The following PARD3 variants were observed in gnomAD, a reference collection of about 807,000 sequenced individuals.
PARD3 encodes par-3 family cell polarity regulator, also known as partitioning defective 3 homolog.
In PARD3, 75 loss-of-function variants were observed where a neutral mutation model predicts 155.4. The ratio of observed to expected loss-of-function variants is 0.48; its 90% CI spans 0.40 to 0.58. The LOEUF (loss-of-function observed/expected upper bound fraction) is 0.58. PARD3 is among the 20% of genes least tolerant of loss of function. PARD3 has a pLI of 0.00. For missense variants in PARD3, 1,642 were observed against 1,721.7 expected (o/e 0.95, Z 0.82); for synonymous variants, 576 against 610.5 (o/e 0.94, Z 0.83).
intron 2 of PARD3, among the ~76,000 whole-genome samples, chr10:34,582,895 C>T (rs953665186): frequency 6.6e-6 from 1 of 152,172 alleles, no homozygotes; most frequent in African/African-American, 2.4e-5. Context: ...TTTCTGCTGC[C>T]TGGAATATCA....
At chr10:34,393,923 C>T (rs1475797300) in intron 7 of PARD3, among the ~76,000 whole-genome samples, 4 of 151,180 alleles carry the variant, frequency 2.6e-5, no homozygotes, top group African/African-American at 7.3e-5. Flanking sequence ...CTGCAACCTC[C>T]ACCTCCTGGG....
chr10:34,803,839 C>G (rs1421714171), intron 1 of PARD3, among the ~76,000 whole-genome samples: 1 of 151,998 alleles, frequency 6.6e-6, no homozygotes, highest in Non-Finnish European at 1.5e-5. Flanking sequence ...TAACAATAAT[C>G]AAGTTCAGGA....
intron 1 of PARD3, among the ~76,000 whole-genome samples, chr10:34,747,676 T>TG (rs1383372416): frequency 1.3e-5 from 2 of 152,210 alleles, no homozygotes; most frequent in African/African-American, 4.8e-5. Flanking sequence ...ATGCCCACCA[T>TG]GCCAGGTTCC....
chr10:34,758,773 C>G (rs527861251), intron 1 of PARD3, among the ~76,000 whole-genome samples: 107 of 152,270 alleles, frequency 7.0e-4, no homozygotes, highest in Non-Finnish European at 1.3e-3. Flanking sequence ...TAGAAAAGTC[C>G]AAGCCCACCC....
At chr10:34,127,879 A>C (rs1263102881) in intron 23 of PARD3, among the ~76,000 whole-genome samples, 1 of 152,230 alleles carries the variant, frequency 6.6e-6, no homozygotes, top group African/African-American at 2.4e-5. Context: ...GTTTCAAGAA[A>C]TGTAGTAGGA....
intron 22 of PARD3, among the ~76,000 whole-genome samples, chr10:34,132,780 C>T (rs1481051428): frequency 1.3e-5 from 2 of 152,122 alleles, no homozygotes; most frequent in Non-Finnish European, 2.9e-5. Context: ...CCTGTTTTTG[C>T]ACCCAAAAGT....
chr10:34,449,356 T>C (rs12260318), intron 5 of PARD3, among the ~76,000 whole-genome samples: 11,350 of 149,562 alleles, frequency 0.076, 1,302 homozygotes, highest in African/African-American at 0.25. Flanking sequence ...ATTAAAATTA[T>C]AAAACACTGG....
In PARD3 at chr10:34,321,146, T is replaced by A. The variant is rs536218872; in HGVS notation, c.2834-3808A>T. Reference sequence around the variant, plus strand: ...AAGTCACTGATGTACTAGTCAGATTTTAGGTTTTAAAATAAATCTGTACAT... The same window carrying A: ...AAGTCACTGATGTACTAGTCAGATTATAGGTTTTAAAATAAATCTGTACAT... On this transcript the variant is annotated intron_variant, in intron 19 of 24. Coordinates refer to ENST00000374788, the MANE Select transcript of PARD3 (RefSeq NM_001184785.2). Among the ~76,000 whole-genome samples the A allele has an allele frequency of 1.1e-3, 161 of 152,306 alleles. 1 individual carries two copies. Among genetic ancestry groups the A allele is most frequent in the African/African-American group, 3.7e-3 (153 of 41,572 alleles).
At chr10:34,768,969 A>G (rs1424847438) in intron 1 of PARD3, among the ~76,000 whole-genome samples, 2 of 152,140 alleles carry the variant, frequency 1.3e-5, no homozygotes, top group African/African-American at 4.8e-5. Flanking sequence ...CCCACCTAAG[A>G]TACACTGCTC....
chr10:34,727,330 G>A (rs2094732246), intron 1 of PARD3, among the ~76,000 whole-genome samples: 2 of 152,212 alleles, frequency 1.3e-5, no homozygotes, highest in South Asian at 2.1e-4. Context: ...AGCACTGCAC[G>A]TTCCCACGTT....
chr10:34,215,040 C>T (rs1298665668), intron 22 of PARD3, among the ~76,000 whole-genome samples: 1 of 152,192 alleles, frequency 6.6e-6, no homozygotes, highest in Non-Finnish European at 1.5e-5. Flanking sequence ...TTCCGGGCAT[C>T]TTGCATCAAT....
At chr10:34,192,279 G>A (rs1047101110) in intron 22 of PARD3, among the ~76,000 whole-genome samples, 1 of 151,936 alleles carries the variant, frequency 6.6e-6, no homozygotes, top group African/African-American at 2.4e-5. Flanking sequence ...TTTGTTTTGG[G>A]TAGAGACAGG....
At chr10:34,795,271 A>T (rs569685996) in intron 1 of PARD3, among the ~76,000 whole-genome samples, 9 of 152,224 alleles carry the variant, frequency 5.9e-5, no homozygotes, top group Non-Finnish European at 1.2e-4. Context: ...GATTAAAATC[A>T]CGGCAGGTCC....
rs1313881054 is a variant in PARD3 at position 34,232,665 on chromosome 10, G to A, written c.3419+36992C>T. 2.0e-5 allele frequency among the ~76,000 whole-genome samples: 3 copies of A among 152,142 alleles called. 1 individual carries two copies. Among genetic ancestry groups the A allele is most frequent in the African/African-American group, 4.8e-5 (2 of 41,370 alleles). ...TAGAGAAAGTAACTGGGAAGGGTAG[G>A]TAGGATTGTTGCCTCCTGGCAGGTA... On this transcript the variant is annotated intron_variant, in intron 22 of 24. Coordinates refer to ENST00000374788, the MANE Select transcript of PARD3 (RefSeq NM_001184785.2).
chr10:34,727,746 G>A (rs775217824), intron 1 of PARD3, among the ~76,000 whole-genome samples: 1 of 151,800 alleles, frequency 6.6e-6, no homozygotes, highest in African/African-American at 2.4e-5. Flanking sequence ...ACGAAACCCC[G>A]GCCTGCTGGA....
intron 2 of PARD3, among the ~76,000 whole-genome samples, chr10:34,613,754 T>A (rs966272507): frequency 1.3e-5 from 2 of 152,212 alleles, no homozygotes; most frequent in African/African-American, 4.8e-5. Flanking sequence ...CTCGTCCACA[T>A]TCTCCGGAGA....
chr10:34,399,437 G>T, intron 6 of PARD3, 24 bp from the exon 7 acceptor site: 1 of 1,479,428 alleles, frequency 6.8e-7, no homozygotes, highest in Non-Finnish European at 9.5e-7. Flanking sequence ...ATGAATGAGG[G>T]AGCATGAACG....
intron 1 of PARD3, among the ~76,000 whole-genome samples, chr10:34,741,173 A>ATTTTTTT (rs1470627211): frequency 6.0e-5 from 5 of 82,944 alleles, no homozygotes; most frequent in Admixed American, 2.7e-4. Context: ...TCGTAAACCA[A>ATTTTTTT]ATTTTTTTTT....
At chr10:34,790,090 G>C (rs1184398430) in intron 1 of PARD3, among the ~76,000 whole-genome samples, 1 of 152,112 alleles carries the variant, frequency 6.6e-6, no homozygotes, top group Non-Finnish European at 1.5e-5. Context: ...GTTAATTATT[G>C]ATGAATCTGG....
Sources: allele counts gnomAD v4.1 joint callset (sites outside exome capture counted in the v4.1 genomes callset), GRCh38; gene constraint gnomAD v4.1.1; transcripts MANE v1.5; gene names NCBI Gene and HGNC (gene_info 2026-07-23, HGNC 2026-07-21).